Variants in ENG observed in about 807,000 individuals in gnomAD.
The protein encoded by ENG is endoglin, also known as CD105 antigen.
Under a neutral mutation model 71.0 loss-of-function variants are expected in ENG, and 17 were observed. That is an observed-to-expected ratio of 0.24 (90% CI 0.16 to 0.36). The LOEUF (loss-of-function observed/expected upper bound fraction) is 0.36. ENG is among the 10% of genes least tolerant of loss of function. The probability of loss-of-function intolerance (pLI) is 1.00; values close to 1 mark genes in which losing one functional copy is unlikely to be tolerated. For missense variants in ENG, 749 were observed against 868.3 expected (o/e 0.86, Z 1.73); for synonymous variants, 360 against 366.9 (o/e 0.98, Z 0.21).
rs1156521901 is a variant in ENG, at chr9:127,824,408, TGGTCTGGATCGGTGCGGGTGA to T, written c.1009_1029del (p.Ser337_Thr343del). 6.2e-7 allele frequency: 1 copy of T among 1,611,506 alleles called. No individual in the cohort carries two copies. The highest frequency in any genetic ancestry group is 8.5e-7 in the Non-Finnish European group (1 of 1,179,480). ...GGGCTACAAGTGTCCTTGGGAGGAG[TGGTCTGGATCGGTGCGGGTGA>T]GGTCTGCAGCCTACCACCTGTGGGG... On this transcript the variant is annotated inframe_deletion, in exon 8 of 15. Transcript: ENST00000373203.
At position 127,838,793 on chromosome 9, in the gene ENG, AC is replaced by A. The variant is rs1264211329; in HGVS notation, c.219+4300del. The stretch of plus-strand genomic sequence containing the variant: ...CCAGGCTCCGGCCTGCCCTTCAGGG[AC>A]CCAGCGAGATCCAGCCCCTGCCCAG... On this transcript the variant is annotated intron_variant, in intron 2 of 14. Coordinates refer to ENST00000373203, the MANE Select transcript of ENG (RefSeq NM_001114753.3). The surrounding 1 kb of genome is among the most constrained non-coding windows in gnomAD (Gnocchi z 4.3). Among the ~76,000 whole-genome samples, 1 of 152,088 alleles carries A rather than the reference AC, an allele frequency of 6.6e-6. No homozygotes were observed. Among genetic ancestry groups the A allele is most frequent in the Non-Finnish European group, 1.5e-5 (1 of 68,004 alleles).
At chr9:127,823,419 C>G (rs948504802) in intron 8 of ENG, among the ~76,000 whole-genome samples, 6 of 147,404 alleles carry the variant, frequency 4.1e-5, no homozygotes, top group Non-Finnish European at 7.4e-5. Context: ...GATGGAGTCT[C>G]TCTCTGTCAC....
At chr9:127,832,757 C>A (rs1031199044) in intron 2 of ENG, 5 of 151,768 alleles carry the variant, frequency 3.3e-5, no homozygotes, top group African/African-American at 1.2e-4. Context: ...TAGTTTTTTT[C>A]TATTTATTAT....
chr9:127,817,273 G>C, intron 12 of ENG, 70 bp from the exon 13 acceptor site: 2 of 1,533,992 alleles, frequency 1.3e-6, no homozygotes, highest in Non-Finnish European at 1.8e-6. Flanking sequence ...CCCTGGCTCC[G>C]TGACCCCAGC....
In ENG at chr9:127,824,461, A is replaced by G; in HGVS notation, c.992-15T>C. ...CAGCCTACCACCTGTGGGGTAGCAG[A>G]GGCAGGCCAGGCGGCTGGTCACTGT... On this transcript the variant is annotated splice_polypyrimidine_tract_variant and intron_variant, in intron 7 of 14. Transcript: ENST00000373203. 1 of 1,523,518 alleles carries G rather than the reference A, an allele frequency of 6.6e-7. No homozygotes were observed. The allele number at this position is 1,523,518 out of a possible 1,614,324, so 94.4% of individuals were successfully genotyped here.
At chr9:127,815,856 C>G (rs898513736) in intron 14 of ENG, 50 bp from the exon 15 acceptor site, 1 of 1,551,676 alleles carries the variant, frequency 6.4e-7, no homozygotes, top group African/African-American at 1.4e-5. Context: ...CTGGCCAGGG[C>G]CCCTCAATCC....
intron 1 of ENG, among the ~76,000 whole-genome samples, chr9:127,849,695 A>T (rs1218724474): frequency 6.6e-6 from 1 of 152,102 alleles, no homozygotes; most frequent in African/African-American, 2.4e-5. Flanking sequence ...GGGACCAGAG[A>T]AAAGGCTGAG....
chr9:127,825,472 G>A, intron 5 of ENG, 115 bp from the exon 6 acceptor site: 1 of 1,523,702 alleles, frequency 6.6e-7, no homozygotes, highest in Non-Finnish European at 8.9e-7. Context: ...TGGGTTTATG[G>A]GATAGGGATG....
At chr9:127,826,718 C>T in intron 3 of ENG, 46 bp from the exon 4 acceptor site, 2 of 1,608,218 alleles carry the variant, frequency 1.2e-6, no homozygotes, top group Middle Eastern at 2.0e-4. Flanking sequence ...TGGCCCTGTG[C>T]CCTCTCTATC....
In ENG at chr9:127,815,708, G is replaced by T; in HGVS notation, c.1951C>A (p.Pro651Thr). 1 of 1,561,728 alleles carries T rather than the reference G, an allele frequency of 6.4e-7. No homozygotes were observed. ...TATGCCATGCTGCTGGTGGAGCAGG[G>T]GGTGCTCTGGGTGCTCCCGATGCTG... is the stretch of plus-strand genomic sequence containing the variant. ...NHSIGSTQST[P>T]CSTSSMA The change falls in exon 15 of 15, where the codon CCC becomes ACC. Residue 651 changes from proline to threonine, a missense_variant. Pro to Thr is a conservative substitution (Grantham distance 38). Coordinates refer to ENST00000373203, the MANE Select transcript of ENG (RefSeq NM_001114753.3).
At chr9:127,825,059 G>A in intron 6 of ENG, 85 bp from the exon 7 acceptor site, 1 of 1,582,980 alleles carries the variant, frequency 6.3e-7, no homozygotes, top group South Asian at 1.1e-5. Context: ...CCAGGCCTCG[G>A]TCCTGCTGTG....
chr9:127,833,481 C>T (rs1251775413), intron 2 of ENG, among the ~76,000 whole-genome samples: 1 of 138,160 alleles, frequency 7.2e-6, no homozygotes, highest in African/African-American at 2.7e-5. Flanking sequence ...AAGATCGCGC[C>T]ATTGAGCTCT....
chr9:127,833,834 G>A (rs1026764556), intron 2 of ENG, among the ~76,000 whole-genome samples: 7 of 152,166 alleles, frequency 4.6e-5, no homozygotes, highest in Admixed American at 2.6e-4. Context: ...AAATATTTCT[G>A]TTACTCAATA....
intron 1 of ENG, among the ~76,000 whole-genome samples, chr9:127,845,792 G>T (rs985284229): frequency 1.3e-5 from 2 of 152,196 alleles, no homozygotes; most frequent in African/African-American, 4.8e-5. Context: ...CTGCAGCCTT[G>T]AGCTGCTGGG....
intron 12 of ENG, chr9:127,817,717 A>G: frequency 2.7e-6 from 1 of 368,102 alleles, no homozygotes; most frequent in Non-Finnish European, 5.1e-6. Flanking sequence ...CAAATACAGA[A>G]AGCCAGGAGT....
Position 127,825,261 on chromosome 9 carries a change from G to A in ENG, c.786C>T (p.Leu262=), listed in dbSNP as rs368800416. ...TCTGCATGTTGTGGTTGGCGTCGAT[G>A]AGCCAGGACACGTAGGGGGGACCCT... The part of the protein sequence containing the change: ...ILQGPPYVSW[L]IDANHNMQIW... Residue 262 remains leucine (L), a synonymous_variant, in exon 6 of 15, where the codon CTC becomes CTT. Coordinates refer to ENST00000373203, the MANE Select transcript of ENG (RefSeq NM_001114753.3). 3.3e-5 allele frequency: 53 copies of A among 1,612,728 alleles called. No homozygotes were observed. The East Asian group carries it at 8.9e-4, about 27-fold the overall frequency.
At chr9:127,826,775 G>A in intron 3 of ENG, 103 bp from the exon 4 acceptor site, 2 of 1,458,828 alleles carry the variant, frequency 1.4e-6, no homozygotes, top group East Asian at 4.8e-5. Flanking sequence ...CCCATTGGCT[G>A]AGAGAAAGAG....
chr9:127,835,663 T>C (rs568105006), intron 2 of ENG, among the ~76,000 whole-genome samples: 115 of 152,292 alleles, frequency 7.6e-4, no homozygotes, highest in Non-Finnish European at 1.4e-3. Context: ...CCAGTCCTAC[T>C]GCTGCTCCGC....
At position 127,818,157 on chromosome 9, in the gene ENG, G is replaced by A. The variant is rs1410374909; in HGVS notation, c.1649C>T (p.Thr550Met). 9 of 1,614,092 alleles carry A rather than the reference G, an allele frequency of 5.6e-6. No individual in the cohort carries two copies. Among genetic ancestry groups the A allele is most frequent in the Non-Finnish European group, 7.6e-6 (9 of 1,180,044 alleles). ...PIPKTGTLSC[T>M]VALRPKTGSQ... ...CCCGGTCTTGGGACGCAGGGCTACC[G>A]TGCAGCTGAGGGTGCCGGTTTTGGG... is the stretch of plus-strand genomic sequence containing the variant. The change falls in exon 12 of 15, where the codon ACG becomes ATG. Residue 550 changes from threonine to methionine, a missense_variant. Thr to Met is a moderately conservative substitution (Grantham distance 81). Coordinates refer to ENST00000373203, the MANE Select transcript of ENG (RefSeq NM_001114753.3).
Sources: allele counts gnomAD v4.1 joint callset (sites outside exome capture counted in the v4.1 genomes callset), GRCh38; gene constraint gnomAD v4.1.1; non-coding constraint Gnocchi (gnomAD v3.1); transcripts MANE v1.5; gene names NCBI Gene and HGNC (gene_info 2026-07-23, HGNC 2026-07-21).